IST1: variants seen among roughly 807,000 people sequenced by gnomAD.
IST1 encodes the protein IST1 factor associated with ESCRT-III, also known as IST1 homolog.
A neutral mutation model predicts 37.0 loss-of-function variants in IST1; 23 were observed. The ratio of observed to expected loss-of-function variants is 0.62; its 90% CI spans 0.45 to 0.88. IST1 has a LOEUF of 0.88. Among genes scored for constraint, IST1 ranks in the 40% least tolerant of loss-of-function variants. The pLI is 0.00. For synonymous variants in IST1, 180 were observed against 161.7 expected, an observed-to-expected ratio of 1.11 and a Z score of -0.86; for missense variants, 488 against 445.4, an observed-to-expected ratio of 1.10 and a Z score of -0.86.
rs775032802 is a variant in IST1, at chr16:71,921,438, T to C, written c.537T>C (p.Pro179=). Residue 179 remains proline, a synonymous_variant, in exon 6 of 10, where the codon CCT becomes CCC. Coordinates refer to ENST00000378799, the MANE Select transcript of IST1 (RefSeq NM_001270975.2). ...IAKNYNVPYE[P]DSVVMAEAPP... ...AGAATTACAACGTACCCTATGAACCTGACTCTGTGGTCATGGTAAGTTTAT... is the reference window on the plus strand; with the variant it reads ...AGAATTACAACGTACCCTATGAACCCGACTCTGTGGTCATGGTAAGTTTAT... 4 of 1,604,440 alleles carry C rather than the reference T, an allele frequency of 2.5e-6. No individual in the cohort carries two copies. In the Admixed American group the frequency reaches 6.7e-5, roughly 27 times the overall value.
upstream of IST1, chr16:71,895,346 C>G (rs1255657108): frequency 1.2e-5 from 2 of 167,170 alleles, no homozygotes; most frequent in Non-Finnish European, 1.2e-5. Flanking sequence ...TGCCGTGCCC[C>G]CGCCGCGGGA....
intron 4 of IST1, among the ~76,000 whole-genome samples, chr16:71,917,948 T>A (rs1399299539): frequency 6.6e-6 from 1 of 152,226 alleles, no homozygotes; most frequent in Non-Finnish European, 1.5e-5. Flanking sequence ...TTCCAAAGAT[T>A]TAGTGGTCCT....
chr16:71,895,736 T>C (rs1163271734), intron 1 of IST1, 147 bp downstream of exon 1: 2 of 201,420 alleles, frequency 9.9e-6, no homozygotes, highest in Non-Finnish European at 1.8e-5. Flanking sequence ...ATAGTGGAAG[T>C]GGGGGTCAGA....
chr16:71,930,270 TATC>T lies in IST1; in HGVS notation c.*2459_*2461del. ...AGCTATATGCTAGTGTTTGGGATCT[TATC>T]AGAAGAAAAGCTTATCCGAAGGAAA... On this transcript the variant is annotated 3_prime_UTR_variant, in exon 10 of 10. Coordinates refer to ENST00000378799, the MANE Select transcript of IST1 (RefSeq NM_001270975.2). The T allele has an allele frequency of 1.5e-6, 2 of 1,324,304 alleles. No individual in the cohort carries two copies. Among genetic ancestry groups the T allele is most frequent in the Admixed American group, 3.1e-5 (1 of 32,090 alleles). 82.0% of individuals were successfully genotyped at this position (1,324,304 alleles called of 1,614,324 possible). A position where few individuals can be genotyped will look rare whatever the true frequency, so the allele number is the denominator to read the frequency against.
Position 71,930,081 on chromosome 16 carries a change from C to A in IST1, c.*2268C>A. On this transcript the variant is annotated 3_prime_UTR_variant, in exon 10 of 10. Coordinates refer to ENST00000378799, the MANE Select transcript of IST1 (RefSeq NM_001270975.2). Reference sequence around the variant, plus strand: ...AGCGACTTTCTTTCTTTTCCAAAGGCCATGAGAATGGCCGAAACGAAAAGA... The same window carrying A: ...AGCGACTTTCTTTCTTTTCCAAAGGACATGAGAATGGCCGAAACGAAAAGA... 1.3e-6 allele frequency: 2 copies of A among 1,551,476 alleles called. No homozygotes were observed. Among genetic ancestry groups the A allele is most frequent in the Non-Finnish European group, 1.7e-6 (2 of 1,146,908 alleles).
rs143988027 is a variant in IST1 at position 71,924,814 on chromosome 16, G to A, written c.898G>A (p.Val300Ile). The A allele has an allele frequency of 2.9e-5, 47 of 1,603,622 alleles. No individual in the cohort carries two copies. The African/African-American group carries it at 3.7e-4, about 13-fold the overall frequency. Residue 300 changes from valine to isoleucine, a missense_variant, in exon 9 of 10, where the codon GTT becomes ATT. Physicochemically the swap from Val to Ile is conservative, Grantham distance 29 (BLOSUM62 3). Around this residue, in one of 2 missense-constraint regions of IST1, gnomAD observed 455 missense variants for 386.2 expected, o/e 1.18. Transcript: ENST00000378799. ...TAAGAATATCTCTTCTGCACAGATT[G>A]TTGGTGAGTAGTATCAATCAGAAAC... is the stretch of plus-strand genomic sequence containing the variant. ...ADKNISSAQIVGPGPKPEASA... is the reference protein window; with the variant it reads ...ADKNISSAQIIGPGPKPEASA...
chr16:71,919,496 C>T (rs2037533471), intron 4 of IST1, among the ~76,000 whole-genome samples: 1 of 152,212 alleles, frequency 6.6e-6, no homozygotes, highest in African/African-American at 2.4e-5. Flanking sequence ...TGATCATCCT[C>T]CCACCTCAGC....
At chr16:71,906,759 A>G (rs1411962274) in intron 1 of IST1, among the ~76,000 whole-genome samples, 1 of 152,114 alleles carries the variant, frequency 6.6e-6, no homozygotes, top group Non-Finnish European at 1.5e-5. Flanking sequence ...CACTTTAAAA[A>G]CGTTGTTTCG....
chr16:71,911,482 A>G (rs1480475604), intron 1 of IST1, among the ~76,000 whole-genome samples: 1 of 151,562 alleles, frequency 6.6e-6, no homozygotes, highest in Admixed American at 6.6e-5. Context: ...GCAGTGAGCT[A>G]AGATCACAGC....
At chr16:71,896,294 G>C (rs547378689) in intron 1 of IST1, among the ~76,000 whole-genome samples, 1 of 152,178 alleles carries the variant, frequency 6.6e-6, no homozygotes, top group South Asian at 2.1e-4. Flanking sequence ...CTTTGAGGAG[G>C]GTCGGGACCC....
chr16:71,905,809 G>A (rs894489947), intron 1 of IST1, among the ~76,000 whole-genome samples: 1 of 152,026 alleles, frequency 6.6e-6, no homozygotes, highest in African/African-American at 2.4e-5. Flanking sequence ...GTTATCTTAT[G>A]TATTACATTT....
At chr16:71,923,766 TGTAAA>T (rs943417294) in intron 8 of IST1, among the ~76,000 whole-genome samples, 16 of 152,194 alleles carry the variant, frequency 1.1e-4, no homozygotes, top group African/African-American at 3.1e-4. Flanking sequence ...TCTCAACACA[TGTAAA>T]GGAAGAGTGA....
upstream of IST1, chr16:71,895,007 G>GA: frequency 5.0e-6 from 3 of 594,664 alleles, no homozygotes; most frequent in Non-Finnish European, 8.8e-6. Context: ...AAAGCGGGGC[G>GA]GGGGAACGCT....
At chr16:71,901,951 T>A (rs141053218) in intron 1 of IST1, among the ~76,000 whole-genome samples, 1,615 of 152,314 alleles carry the variant, frequency 0.011, 13 homozygotes, top group Non-Finnish European at 0.018. Context: ...GAAAAAGATA[T>A]AAAGCATGCC....
intron 1 of IST1, among the ~76,000 whole-genome samples, chr16:71,905,987 A>G (rs918917508): frequency 1.3e-5 from 2 of 148,556 alleles, no homozygotes; most frequent in Non-Finnish European, 3.0e-5. Flanking sequence ...TGCATTAAAA[A>G]CTTCTTAAGC....
At position 71,930,205 on chromosome 16, in the gene IST1, T is replaced by C. The variant is rs761441538; in HGVS notation, c.*2392T>C. 5.9e-6 allele frequency: 9 copies of C among 1,525,026 alleles called. No homozygotes were observed. The East Asian group carries it at 7.4e-5, about 12-fold the overall frequency. 94.5% of individuals were successfully genotyped at this position (1,525,026 alleles called of 1,614,324 possible). ...AAACCTGGGAAAACAATAAGAACAC[T>C]TGCAGTGACTGACAATTTAGTTTAT... is the stretch of plus-strand genomic sequence containing the variant. On this transcript the variant is annotated 3_prime_UTR_variant, in exon 10 of 10. Transcript: ENST00000378799.
At chr16:71,914,977 GTAAAGAGCC>G (rs2142564994) in intron 1 of IST1, among the ~76,000 whole-genome samples, 1 of 152,240 alleles carries the variant, frequency 6.6e-6, no homozygotes, top group African/African-American at 2.4e-5. Flanking sequence ...GAAATTCCTG[GTAAAGAGCC>G]TTCTGTTGTA....
At chr16:71,909,723 A>G (rs1055632629) in intron 1 of IST1, among the ~76,000 whole-genome samples, 3 of 152,244 alleles carry the variant, frequency 2.0e-5, no homozygotes, top group African/African-American at 7.2e-5. Flanking sequence ...AGGATTATAC[A>G]AAATAGTAAA....
rs1415206834 is a variant in IST1 at position 71,924,532 on chromosome 16, G to A, written c.853-237G>A. On this transcript the variant is annotated intron_variant, in intron 8 of 9. Coordinates refer to ENST00000378799, the MANE Select transcript of IST1 (RefSeq NM_001270975.2). ...CTGGAGGCCAGGAAGTGGAGGCTGT[G>A]GTGAGCCGTGATTGTATCACTGCAC... is the stretch of plus-strand genomic sequence containing the variant. 4 of 580,918 alleles carry A rather than the reference G, an allele frequency of 6.9e-6. No homozygotes were observed. In the African/African-American group the frequency reaches 7.5e-5, roughly 11 times the overall value. The allele number at this position is 580,918 out of a possible 1,614,324, so 36.0% of individuals were successfully genotyped here.
Sources: allele counts gnomAD v4.1 joint callset (sites outside exome capture counted in the v4.1 genomes callset), GRCh38; gene constraint gnomAD v4.1.1; regional missense constraint gnomAD v4.1.1; transcripts MANE v1.5; gene names NCBI Gene and HGNC (gene_info 2026-07-23, HGNC 2026-07-21).